GPR35: variants seen among roughly 807,000 people sequenced by gnomAD.
GPR35 encodes the protein KYNA receptor.
For missense variants in GPR35, 372 were observed against 422.5 expected (o/e 0.88, Z 1.05); for synonymous variants, 207 against 198.4 (o/e 1.04, Z -0.36).
chr2:240,624,002 C>CTGG (rs1402947016), upstream of GPR35, among the ~76,000 whole-genome samples: 1 of 115,708 alleles, frequency 8.6e-6, no homozygotes, highest in African/African-American at 2.9e-5. Flanking sequence ...CATGGCTGGC[C>CTGG]TGGTGGTGGG....
At chr2:240,612,303 T>G (rs1356877673) in intron 2 of GPR35, among the ~76,000 whole-genome samples, 1 of 150,994 alleles carries the variant, frequency 6.6e-6, no homozygotes, top group Non-Finnish European at 1.5e-5. Flanking sequence ...GGCGGGCGCC[T>G]GTAGTCTCAG....
At position 240,630,853 on chromosome 2, in the gene GPR35, C is replaced by A; in HGVS notation, c.901C>A (p.Gln301Lys). The A allele has an allele frequency of 6.2e-7, 1 of 1,612,988 alleles. No individual in the cohort carries two copies. Among genetic ancestry groups the A allele is most frequent in the Non-Finnish European group, 8.5e-7 (1 of 1,179,952 alleles). ...VAPSAKAHKS[Q>K]DSLCVTLA The stretch of plus-strand genomic sequence containing the variant: ...TCCCAGTGCTAAGGCCCACAAAAGC[C>A]AGGACTCTCTGTGCGTGACCCTCGC... Residue 301 changes from glutamine to lysine, a missense_variant, in exon 2 of 2, where the codon CAG becomes AAG. Gln to Lys is a moderately conservative substitution (Grantham distance 53). Coordinates refer to ENST00000407714, the MANE Select transcript of GPR35 (RefSeq NM_005301.5).
At position 240,630,025 on chromosome 2, in the gene GPR35, G is replaced by A. The variant is rs35146537; in HGVS notation, c.73G>A (p.Ala25Thr). 20,455 of 1,612,806 alleles carry A rather than the reference G, an allele frequency of 0.013. 163 individuals are homozygous for A. Among genetic ancestry groups the A allele is most frequent in the Non-Finnish European group, 0.015 (17,500 of 1,179,876 alleles). The change falls in exon 2 of 2, where the codon GCC becomes ACC. Residue 25 changes from alanine (A) to threonine (T), a missense_variant. Transcript: ENST00000407714. ...CCCAGCGATCAAGCTGGGCTTCTAC[G>A]CCTACTTGGGCGTCCTGCTGGTGCT... ...WPPAIKLGFYAYLGVLLVLGL... is the reference protein window; with the variant it reads ...WPPAIKLGFYTYLGVLLVLGL...
upstream of GPR35, among the ~76,000 whole-genome samples, chr2:240,624,181 C>T (rs2043342067): frequency 6.6e-6 from 1 of 152,062 alleles, no homozygotes. Flanking sequence ...GGTGCCGTGC[C>T]TTCTGCTGAC....
At chr2:240,625,940 T>C (rs1310177656) in intron 1 of GPR35, among the ~76,000 whole-genome samples, 11 of 109,366 alleles carry the variant, frequency 1.0e-4, no homozygotes, top group African/African-American at 3.4e-4. Context: ...GGGGTGAGGC[T>C]GTGATGGGTT....
intron 2 of GPR35, among the ~76,000 whole-genome samples, chr2:240,609,122 TC>T (rs2043161427): frequency 1.3e-5 from 2 of 152,148 alleles, no homozygotes; most frequent in African/African-American, 4.8e-5. Flanking sequence ...TTTTCTTTGA[TC>T]AATCTAGCCA....
intron 2 of GPR35, among the ~76,000 whole-genome samples, chr2:240,610,217 C>T (rs1486050565): frequency 6.6e-6 from 1 of 152,174 alleles, no homozygotes; most frequent in Non-Finnish European, 1.5e-5. Context: ...CTCAGCCTCC[C>T]AAAGTGCTGG....
At chr2:240,614,508 G>A (rs1429588450) in intron 2 of GPR35, among the ~76,000 whole-genome samples, 3 of 152,328 alleles carry the variant, frequency 2.0e-5, no homozygotes, top group South Asian at 2.1e-4. Context: ...TGTGCAGCAT[G>A]GATTTGGGGC....
At chr2:240,617,956 C>G (rs2043256325) in intron 4 of GPR35, among the ~76,000 whole-genome samples, 1 of 152,170 alleles carries the variant, frequency 6.6e-6, no homozygotes, top group African/African-American at 2.4e-5. Flanking sequence ...TCCAAGAGCC[C>G]CTCTTCCTCT....
At chr2:240,609,125 A>G (rs190033970) in intron 2 of GPR35, among the ~76,000 whole-genome samples, 2 of 152,030 alleles carry the variant, frequency 1.3e-5, no homozygotes, top group East Asian at 1.9e-4. Context: ...TCTTTGATCA[A>G]TCTAGCCAGA....
intron 2 of GPR35, among the ~76,000 whole-genome samples, chr2:240,606,875 A>G (rs2043139706): frequency 6.6e-6 from 1 of 152,184 alleles, no homozygotes; most frequent in Admixed American, 6.5e-5. Context: ...GAGCCACTAC[A>G]TAGTTTAAAG....
At chr2:240,623,441 G>GGT (rs2043328842), upstream of GPR35, among the ~76,000 whole-genome samples, 3 of 80,850 alleles carry the variant, frequency 3.7e-5, 1 homozygote, top group Non-Finnish European at 8.1e-5. Flanking sequence ...AGGTCGTGAG[G>GGT]GCGCAAACAG....
At chr2:240,627,500 C>T (rs1183537510) in intron 1 of GPR35, 1 of 152,034 alleles carries the variant, frequency 6.6e-6, no homozygotes, top group African/African-American at 2.4e-5. Context: ...GGGTTTCACT[C>T]TGTCTCCTAA....
At position 240,630,260 on chromosome 2, in the gene GPR35, G is replaced by A. The variant is rs761893689; in HGVS notation, c.308G>A (p.Ser103Asn). 9 of 1,564,318 alleles carry A rather than the reference G, an allele frequency of 5.8e-6. 1 individual carries two copies. The highest frequency in any genetic ancestry group is 1.2e-5 in the South Asian group (1 of 85,342). Reference protein sequence around the residue: ...QGIYLTNRYMSISLVTAIAVD... With the variant: ...QGIYLTNRYMNISLVTAIAVD... ...ATCTACCTGACCAACAGGTACATGA[G>A]CATCAGCCTGGTCACGGCCATCGCC... The change falls in exon 2 of 2, where the codon AGC becomes AAC. Residue 103 changes from serine (S) to asparagine (N), a missense_variant. Coordinates refer to ENST00000407714, the MANE Select transcript of GPR35 (RefSeq NM_005301.5).
At chr2:240,612,678 G>T (rs928274405) in intron 2 of GPR35, among the ~76,000 whole-genome samples, 3 of 152,252 alleles carry the variant, frequency 2.0e-5, no homozygotes, top group African/African-American at 7.2e-5. Flanking sequence ...AGAGGAATTT[G>T]CAAGACTGGC....
At chr2:240,623,365 GGC>G (rs2043324635), upstream of GPR35, among the ~76,000 whole-genome samples, 3 of 133,884 alleles carry the variant, frequency 2.2e-5, no homozygotes, top group African/African-American at 8.0e-5. Context: ...AGGTCGTGAG[GGC>G]GCAAACAGGT....
chr2:240,618,112 T>G (rs2043257493), intron 4 of GPR35, among the ~76,000 whole-genome samples: 1 of 152,228 alleles, frequency 6.6e-6, no homozygotes, highest in African/African-American at 2.4e-5. Flanking sequence ...AATGGATACT[T>G]TCTATTTAAA....
rs1466691262 is a variant in GPR35, at chr2:240,625,781, C to T, written c.-5+213C>T. ...TGAGGCTGTGATGGGGGTCTCAGAG[C>T]AGGGTGAGGCTGTGATGGGGTCTCA... On this transcript the variant is annotated intron_variant, in intron 1 of 1. Coordinates refer to ENST00000407714, the MANE Select transcript of GPR35 (RefSeq NM_005301.5). Among the ~76,000 whole-genome samples the T allele has an allele frequency of 0.02, 417 of 21,016 alleles. No individual in the cohort carries two copies. The highest frequency in any genetic ancestry group is 0.03 in the African/African-American group (98 of 3,298). 13.8% of individuals were successfully genotyped at this position (21,016 alleles called of 152,430 possible). A position where few individuals can be genotyped will look rare whatever the true frequency, so the allele number is the denominator to read the frequency against.
chr2:240,619,679 C>T (rs1248912192), intron 5 of GPR35, among the ~76,000 whole-genome samples: 3 of 152,178 alleles, frequency 2.0e-5, no homozygotes, highest in Non-Finnish European at 2.9e-5. Context: ...CAGTTTAGGG[C>T]GGGGATGACA....
Sources: allele counts gnomAD v4.1 joint callset (sites outside exome capture counted in the v4.1 genomes callset), GRCh38; gene constraint gnomAD v4.1.1; transcripts MANE v1.5; gene names NCBI Gene and HGNC (gene_info 2026-07-23, HGNC 2026-07-21).